Variants in MRPL1 observed in about 807,000 individuals in gnomAD.
MRPL1 encodes mitochondrial ribosomal protein L1, also known as large ribosomal subunit protein uL1m.
In MRPL1, 28 loss-of-function variants were observed where a neutral mutation model predicts 38.0. The observed-to-expected ratio is 0.74, with a 90% confidence interval of 0.55 to 1.01. The LOEUF (loss-of-function observed/expected upper bound fraction) is 1.01, where lower values mean the gene tolerates loss of function less well. MRPL1 is among the 50% of genes least tolerant of loss of function. MRPL1 has a pLI of 0.00. For synonymous variants in MRPL1, 123 were observed against 126.7 expected (o/e 0.97, Z 0.20); for missense variants, 358 against 389.8 (o/e 0.92, Z 0.69).
intron 6 of MRPL1, among the ~76,000 whole-genome samples, chr4:77,897,640 A>C (rs1735947460): frequency 6.6e-6 from 1 of 152,258 alleles, no homozygotes; most frequent in Non-Finnish European, 1.5e-5. Context: ...ACATATGAGC[A>C]GGACACTGCT....
intron 7 of MRPL1, among the ~76,000 whole-genome samples, chr4:77,940,035 G>C (rs1175367246): frequency 6.6e-6 from 1 of 152,004 alleles, no homozygotes; most frequent in Non-Finnish European, 1.5e-5. Context: ...GGCTCATTCT[G>C]GTTCCATATA....
At chr4:77,877,705 A>G (rs1186441934) in intron 2 of MRPL1, among the ~76,000 whole-genome samples, 1 of 149,574 alleles carries the variant, frequency 6.7e-6, no homozygotes, top group Non-Finnish European at 1.5e-5. Context: ...TCATGGCACC[A>G]CTTATCTGTT....
chr4:77,892,423 C>T (rs75465366), intron 5 of MRPL1, among the ~76,000 whole-genome samples: 15 of 152,122 alleles, frequency 9.9e-5, no homozygotes, highest in East Asian at 5.8e-4. Flanking sequence ...TGTGAGCCAC[C>T]GCACCACGTA....
At chr4:77,937,117 G>C (rs1463030112) in intron 7 of MRPL1, among the ~76,000 whole-genome samples, 1 of 151,468 alleles carries the variant, frequency 6.6e-6, no homozygotes, top group Non-Finnish European at 1.5e-5. Flanking sequence ...AGAGTAAAAT[G>C]CTGTCTCAAA....
intron 7 of MRPL1, among the ~76,000 whole-genome samples, chr4:77,925,624 C>T (rs1736696998): frequency 6.8e-6 from 1 of 147,248 alleles, no homozygotes; most frequent in South Asian, 2.2e-4. Context: ...TGTTGGTTTT[C>T]TGATTATCTA....
chr4:77,921,531 A>C (rs868417278), intron 7 of MRPL1, among the ~76,000 whole-genome samples: 9 of 152,194 alleles, frequency 5.9e-5, no homozygotes, highest in African/African-American at 1.2e-4. Context: ...TGAGAAAAAA[A>C]GGGGATTGAG....
intron 5 of MRPL1, among the ~76,000 whole-genome samples, chr4:77,891,792 T>A (rs1735813000): frequency 6.6e-6 from 1 of 152,084 alleles, no homozygotes; most frequent in Non-Finnish European, 1.5e-5. Flanking sequence ...GTAACCCAAA[T>A]AAGGAAGCCA....
At chr4:77,873,853 A>C (rs1404006450) in intron 2 of MRPL1, among the ~76,000 whole-genome samples, 1 of 152,226 alleles carries the variant, frequency 6.6e-6, no homozygotes, top group Non-Finnish European at 1.5e-5. Flanking sequence ...ATTCATGGTA[A>C]GCATAGTATT....
In MRPL1 at chr4:77,943,552, CTTTG is replaced by C. The variant is rs1232328667; in HGVS notation, c.778-6241_778-6238del. Among the ~76,000 whole-genome samples the C allele has an allele frequency of 9.9e-5, 15 of 151,928 alleles. No homozygotes were observed. In the Middle Eastern group the frequency reaches 0.01, roughly 104 times the overall value. On this transcript the variant is annotated intron_variant, in intron 7 of 8. Coordinates refer to ENST00000315567, the MANE Select transcript of MRPL1 (RefSeq NM_020236.4). ...TAACATAATCCCAACTTTTTGGAGG[CTTTG>C]TTTATTTATTTATTTTGATTCTCTT...
chr4:77,931,143 A>G (rs549821180), intron 7 of MRPL1, among the ~76,000 whole-genome samples: 1 of 152,334 alleles, frequency 6.6e-6, no homozygotes, highest in East Asian at 1.9e-4. Context: ...GCTTTGTCAC[A>G]TGGAGACCAC....
chr4:77,936,040 A>G (rs1284949470), intron 7 of MRPL1, among the ~76,000 whole-genome samples: 1 of 152,206 alleles, frequency 6.6e-6, no homozygotes, highest in African/African-American at 2.4e-5. Context: ...TTAAGAGGTA[A>G]TAAATGCACA....
At chr4:77,941,657 G>A (rs551543921) in intron 7 of MRPL1, among the ~76,000 whole-genome samples, 5 of 152,074 alleles carry the variant, frequency 3.3e-5, no homozygotes, top group South Asian at 2.1e-4. Context: ...TTCTATGTGC[G>A]TAAAAGTATC....
chr4:77,867,833 T>C (rs959934212), intron 1 of MRPL1, among the ~76,000 whole-genome samples: 15 of 145,416 alleles, frequency 1.0e-4, no homozygotes, highest in Non-Finnish European at 3.0e-5. Flanking sequence ...CTCGGCTCAC[T>C]GCCAGCTCTG....
intron 6 of MRPL1, among the ~76,000 whole-genome samples, chr4:77,908,812 C>G (rs1174585178): frequency 2.6e-5 from 4 of 152,212 alleles, no homozygotes; most frequent in Admixed American, 2.6e-4. Context: ...TCATCTTAGA[C>G]TCAATGGGCG....
chr4:77,880,370 T>G (rs528103822), intron 2 of MRPL1, among the ~76,000 whole-genome samples: 6 of 152,266 alleles, frequency 3.9e-5, no homozygotes, highest in African/African-American at 1.2e-4. Context: ...CATATCTGTG[T>G]GATGCAGTTG....
At chr4:77,931,601 G>C (rs1216260160) in intron 7 of MRPL1, among the ~76,000 whole-genome samples, 1 of 152,196 alleles carries the variant, frequency 6.6e-6, no homozygotes, top group Non-Finnish European at 1.5e-5. Context: ...TATATTATGT[G>C]TACTTTTGTT....
intron 2 of MRPL1, among the ~76,000 whole-genome samples, chr4:77,875,555 G>A (rs1735370476): frequency 1.3e-5 from 2 of 152,014 alleles, no homozygotes; most frequent in South Asian, 4.1e-4. Context: ...AGGAGACTGA[G>A]GCACAAGCAT....
chr4:77,924,492 G>A (rs1006777198), intron 7 of MRPL1, among the ~76,000 whole-genome samples: 2 of 151,704 alleles, frequency 1.3e-5, no homozygotes, highest in Non-Finnish European at 2.9e-5. Context: ...CTTCATTCAC[G>A]GCTCCGCTCA....
At chr4:77,885,579 G>C (rs1735659341) in intron 4 of MRPL1, among the ~76,000 whole-genome samples, 1 of 152,046 alleles carries the variant, frequency 6.6e-6, no homozygotes. Flanking sequence ...GTTGGCCGGG[G>C]TAGTCTTGAT....
Sources: allele counts gnomAD v4.1 joint callset (sites outside exome capture counted in the v4.1 genomes callset), GRCh38; gene constraint gnomAD v4.1.1; transcripts MANE v1.5; gene names NCBI Gene and HGNC (gene_info 2026-07-23, HGNC 2026-07-21).